The following ASTL variants were observed in gnomAD, a reference collection of about 807,000 sequenced individuals.
ASTL encodes the protein astacin-like metalloendopeptidase.
ASTL carries 27 observed loss-of-function variants against 36.7 expected under a neutral mutation model. The observed-to-expected ratio is 0.73, with a 90% CI of 0.54 to 1.01. The LOEUF (loss-of-function observed/expected upper bound fraction) is 1.01, where lower values mean the gene tolerates loss of function less well. Among genes scored for constraint, ASTL ranks in the 50% least tolerant of loss-of-function variants. The pLI, the probability that ASTL is intolerant of heterozygous loss-of-function variation, is 0.00. For missense variants in ASTL, 524 were observed against 572.8 expected, an observed-to-expected ratio of 0.91 and a Z score of 0.87; for synonymous variants, 222 against 228.1, an observed-to-expected ratio of 0.97 and a Z score of 0.24.
At chr2:96,136,071 C>T (rs181681113) in intron 2 of ASTL, among the ~76,000 whole-genome samples, 8 of 152,360 alleles carry the variant, frequency 5.3e-5, no homozygotes, top group Admixed American at 3.9e-4. Flanking sequence ...CCTCTCCCCT[C>T]TTAGTCCCTC....
At chr2:96,127,306 A>G (rs1413130128) in intron 8 of ASTL, among the ~76,000 whole-genome samples, 1 of 152,216 alleles carries the variant, frequency 6.6e-6, no homozygotes, top group Non-Finnish European at 1.5e-5. Context: ...GTCAGGGGTT[A>G]TGTACACTTC....
Position 96,124,718 on chromosome 2 carries a change from C to T in ASTL, c.875-447G>A, listed in dbSNP as rs1170004103. 6.6e-6 allele frequency among the ~76,000 whole-genome samples: 1 copy of T among 152,156 alleles called. No individual in the cohort carries two copies. The highest frequency in any genetic ancestry group is 1.5e-5 in the Non-Finnish European group (1 of 68,028). Reference sequence around the variant, plus strand: ...CGTGCCAGGAGGTAGGTTGGGGCTTCCTTGTTCTTCACTGTCATGCCAGAC... The same window carrying T: ...CGTGCCAGGAGGTAGGTTGGGGCTTTCTTGTTCTTCACTGTCATGCCAGAC... On this transcript the variant is annotated intron_variant, in intron 8 of 8. Transcript: ENST00000342380. This position sits in a 1 kb window ranked among gnomAD's most constrained non-coding sequence, Gnocchi z 4.1.
chr2:96,135,237 C>A (rs1377502245), intron 3 of ASTL, 114 bp downstream of exon 3: 3 of 767,792 alleles, frequency 3.9e-6, no homozygotes, highest in African/African-American at 3.5e-5. Context: ...AGGCATCTAC[C>A]AAGCTATGTA....
chr2:96,134,019 G>A lies in ASTL; in HGVS notation c.283C>T (p.Pro95Ser). Residue 95 changes from proline (P) to serine (S), a missense_variant, in exon 4 of 9, where the codon CCC (proline) becomes TCC (serine). By Grantham distance (74) the Pro-to-Ser change is moderately conservative. Coordinates refer to ENST00000342380, the MANE Select transcript of ASTL (RefSeq NM_001002036.4). ...RLLSATSNKW[P>S]MGGSGVVEVP... ...TCCACGACACCACTACCACCCATGG[G>A]CCATTTGTTGCTGGTTGCTGACAGC... 1 of 1,613,990 alleles carries A rather than the reference G, an allele frequency of 6.2e-7. No individual in the cohort carries two copies. Among genetic ancestry groups the A allele is most frequent in the Non-Finnish European group, 8.5e-7 (1 of 1,179,872 alleles).
chr2:96,138,317 T>G, intron 1 of ASTL, 65 bp downstream of exon 1: 8 of 1,458,850 alleles, frequency 5.5e-6, no homozygotes, highest in Non-Finnish European at 6.6e-6. Flanking sequence ...GCCACAACCT[T>G]CTAGCCTCTC....
intron 6 of ASTL, among the ~76,000 whole-genome samples, chr2:96,131,914 C>A (rs1009055031): frequency 6.6e-6 from 1 of 152,186 alleles, no homozygotes; most frequent in African/African-American, 2.4e-5. Context: ...TGAGAGAGAC[C>A]CCACCATCAC....
rs532918272 is a variant in ASTL, at chr2:96,124,709, T to A, written c.875-438A>T. 1.3e-5 allele frequency among the ~76,000 whole-genome samples: 2 copies of A among 152,262 alleles called. No individual in the cohort carries two copies. The highest frequency in any genetic ancestry group is 3.9e-4 in the East Asian group (2 of 5,188). On this transcript the variant is annotated intron_variant, in intron 8 of 8. Transcript: ENST00000342380. The surrounding 1 kb of genome is among the most constrained non-coding windows in gnomAD (Gnocchi z 4.1). Reference sequence around the variant, plus strand: ...ACCCTGCACCGTGCCAGGAGGTAGGTTGGGGCTTCCTTGTTCTTCACTGTC... The same window carrying A: ...ACCCTGCACCGTGCCAGGAGGTAGGATGGGGCTTCCTTGTTCTTCACTGTC...
chr2:96,133,407 C>T lies in ASTL; in HGVS notation c.455+18G>A. ...CGCAGAAGCGAGCTGAGATACGCAT[C>T]CTGGCCCCGGCACTTACCCATACAT... On this transcript the variant is annotated intron_variant, in intron 5 of 8. Transcript: ENST00000342380. 1.3e-6 allele frequency: 2 copies of T among 1,512,230 alleles called. No homozygotes were observed. Among genetic ancestry groups the T allele is most frequent in the Non-Finnish European group, 9.2e-7 (1 of 1,087,142 alleles). 93.7% of individuals were successfully genotyped at this position (1,512,230 alleles called of 1,614,324 possible). A position where few individuals can be genotyped will look rare whatever the true frequency, so the allele number is the denominator to read the frequency against.
At position 96,123,818 on chromosome 2, in the gene ASTL, G is replaced by A; in HGVS notation, c.*32C>T. On this transcript the variant is annotated 3_prime_UTR_variant, in exon 9 of 9. Transcript: ENST00000342380. Reference sequence around the variant, plus strand: ...GACCCAGCTCCACTGGGCAGAGGATGCCCTCCCTACTTGGGGACAGAAGCC... The same window carrying A: ...GACCCAGCTCCACTGGGCAGAGGATACCCTCCCTACTTGGGGACAGAAGCC... The A allele has an allele frequency of 1.3e-6, 2 of 1,583,592 alleles. No individual in the cohort carries two copies. The highest frequency in any genetic ancestry group is 2.2e-5 in the East Asian group (1 of 44,734).
At chr2:96,125,301 C>T (rs190289003) in intron 8 of ASTL, among the ~76,000 whole-genome samples, 1 of 152,316 alleles carries the variant, frequency 6.6e-6, no homozygotes, top group Admixed American at 6.5e-5. Flanking sequence ...CACATCTTCT[C>T]CTTTGTTTCC....
intron 8 of ASTL, among the ~76,000 whole-genome samples, chr2:96,128,868 T>C (rs1005016557): frequency 3.9e-5 from 6 of 152,126 alleles, no homozygotes; most frequent in Non-Finnish European, 8.8e-5. Flanking sequence ...GGTGAAACCC[T>C]GTCCCCACTA....
intron 8 of ASTL, among the ~76,000 whole-genome samples, chr2:96,127,134 C>G (rs1682080713): frequency 6.6e-6 from 1 of 152,190 alleles, no homozygotes; most frequent in South Asian, 2.1e-4. Context: ...AAGCCAGACA[C>G]AAGAGGCTAT....
rs746743766 is a variant in ASTL, at chr2:96,132,043, C to G, written c.637+497G>C. ...TGTTCCTTCTGCCTGCTCACTGGCA[C>G]CACTGGCACATGTCCCAGCCCCACA... is the stretch of plus-strand genomic sequence containing the variant. On this transcript the variant is annotated intron_variant, in intron 6 of 8. Transcript: ENST00000342380. The surrounding 1 kb of genome is among the most constrained non-coding windows in gnomAD (Gnocchi z 5.4). Among the ~76,000 whole-genome samples the G allele has an allele frequency of 1.3e-5, 2 of 152,232 alleles. No homozygotes were observed. Among genetic ancestry groups the G allele is most frequent in the African/African-American group, 2.4e-5 (1 of 41,456 alleles).
chr2:96,136,085 T>A (rs1682293801), intron 2 of ASTL, among the ~76,000 whole-genome samples: 1 of 152,210 alleles, frequency 6.6e-6, no homozygotes, highest in South Asian at 2.1e-4. Context: ...GTCCCTCTGC[T>A]TCTCATCTCT....
intron 6 of ASTL, among the ~76,000 whole-genome samples, chr2:96,131,630 A>G (rs1682180639): frequency 6.6e-6 from 1 of 151,916 alleles, no homozygotes; most frequent in African/African-American, 2.4e-5. Context: ...GGTGCTACCC[A>G]CGTGCCCCGT....
Position 96,123,135 on chromosome 2 carries a change from C to G in ASTL, c.*715G>C, listed in dbSNP as rs1485295963. On this transcript the variant is annotated 3_prime_UTR_variant, in exon 9 of 9. Transcript: ENST00000342380. The stretch of plus-strand genomic sequence containing the variant: ...CAGGTAACCCCAGCCCTTTCTCCTT[C>G]CAAGGCTGCGCCTGGCTGAGCTCCA... Among the ~76,000 whole-genome samples, 1 of 152,248 alleles carries G rather than the reference C, an allele frequency of 6.6e-6. No homozygotes were observed. The highest frequency in any genetic ancestry group is 2.4e-5 in the African/African-American group (1 of 41,472).
chr2:96,129,121 A>G (rs934196696), intron 8 of ASTL, among the ~76,000 whole-genome samples: 1 of 152,158 alleles, frequency 6.6e-6, no homozygotes, highest in African/African-American at 2.4e-5. Flanking sequence ...ATTTGGGAAG[A>G]CTGAATTTTT....
chr2:96,132,463 G>C lies in ASTL; in HGVS notation c.637+77C>G. 7.3e-7 allele frequency: 1 copy of C among 1,378,126 alleles called. No homozygotes were observed. The highest frequency in any genetic ancestry group is 9.9e-7 in the Non-Finnish European group (1 of 1,010,394). 85.4% of individuals were successfully genotyped at this position (1,378,126 alleles called of 1,614,324 possible). A position where few individuals can be genotyped will look rare whatever the true frequency, so the allele number is the denominator to read the frequency against. The stretch of plus-strand genomic sequence containing the variant: ...GGGGAGGATGGATAGCCTCACCCAT[G>C]GGGACCAGGCGACTTGGGCCCAAGC... On this transcript the variant is annotated intron_variant, in intron 6 of 8. Transcript: ENST00000342380. This position sits in a 1 kb window ranked among gnomAD's most constrained non-coding sequence, Gnocchi z 5.4.
At chr2:96,128,598 C>A (rs1682108228) in intron 8 of ASTL, among the ~76,000 whole-genome samples, 1 of 152,182 alleles carries the variant, frequency 6.6e-6, no homozygotes, top group African/African-American at 2.4e-5. Flanking sequence ...TGAATGGAAT[C>A]TGTTTCTAAA....
Sources: gnomAD v4.1 joint callset for allele counts (sites outside exome capture counted in the v4.1 genomes callset) on GRCh38, gnomAD v4.1.1 for gene constraint, Gnocchi (gnomAD v3.1) non-coding constraint, MANE v1.5 for transcripts, NCBI Gene and HGNC (gene_info 2026-07-23, HGNC 2026-07-21) for gene names.